The following SCAF8 variants were observed in gnomAD, a reference collection of about 807,000 sequenced individuals.
SCAF8 encodes SR-related CTD associated factor 8, also known as SR-related and CTD-associated factor 8.
In SCAF8, 23 loss-of-function variants were observed where a neutral mutation model predicts 140.5. The ratio of observed to expected loss-of-function variants is 0.16; its 90% CI spans 0.12 to 0.23. The LOEUF (loss-of-function observed/expected upper bound fraction) is 0.23, where lower values mean the gene tolerates loss of function less well. Among genes scored for constraint, SCAF8 ranks in the 10% least tolerant of loss-of-function variants. The pLI is 1.00. For missense variants in SCAF8, 1,397 were observed against 1,555.7 expected (o/e 0.90, Z 1.72); for synonymous variants, 575 against 528.9 (o/e 1.09, Z -1.20).
chr6:154,829,077 C>A lies in SCAF8; in HGVS notation c.2140+1837C>A, dbSNP rs546958779. On this transcript the variant is annotated intron_variant, in intron 18 of 19. Transcript: ENST00000367178. ...AAATATTTGTTTGTTACATGAGTAA[C>A]CTATATAACAAACACAAGTTTACCT... Among the ~76,000 whole-genome samples, 75 of 152,060 alleles carry A rather than the reference C, an allele frequency of 4.9e-4. No individual in the cohort carries two copies. The South Asian group carries it at 0.014, about 29-fold the overall frequency.
intron 1 of SCAF8, among the ~76,000 whole-genome samples, chr6:154,771,611 A>G (rs1012941598): frequency 5.9e-5 from 9 of 152,220 alleles, no homozygotes; most frequent in Non-Finnish European, 1.3e-4. Context: ...TTTTGAAAAG[A>G]TAGCTGTATT....
chr6:154,790,916 T>C (rs919191256), intron 4 of SCAF8, among the ~76,000 whole-genome samples: 1 of 152,224 alleles, frequency 6.6e-6, no homozygotes, highest in African/African-American at 2.4e-5. Flanking sequence ...AGAATAGTTA[T>C]GTGTTAAACA....
chr6:154,794,581 A>ACATGT (rs1237663224), intron 5 of SCAF8, among the ~76,000 whole-genome samples: 1 of 152,194 alleles, frequency 6.6e-6, no homozygotes, highest in Non-Finnish European at 1.5e-5. Flanking sequence ...TTTATAAGTT[A>ACATGT]ACCTTTATCA....
intron 1 of SCAF8, among the ~76,000 whole-genome samples, chr6:154,766,423 T>A (rs1436358403): frequency 1.3e-5 from 2 of 152,230 alleles, no homozygotes; most frequent in Non-Finnish European, 2.9e-5. Context: ...TAGGAGGGTT[T>A]GTGTCCTAAA....
At chr6:154,736,226 CTAA>C (rs564963891) in intron 1 of SCAF8, among the ~76,000 whole-genome samples, 228 of 146,990 alleles carry the variant, frequency 1.6e-3, no homozygotes, top group African/African-American at 5.5e-3. Flanking sequence ...GGGGGGGTTC[CTAA>C]TAATGTGGTC....
At chr6:154,779,429 G>A (rs747334793) in intron 3 of SCAF8, among the ~76,000 whole-genome samples, 3 of 152,190 alleles carry the variant, frequency 2.0e-5, no homozygotes, top group Non-Finnish European at 2.9e-5. Flanking sequence ...CTAATTCACC[G>A]AGTGTGGAGA....
chr6:154,817,870 A>C (rs898173327), intron 13 of SCAF8, among the ~76,000 whole-genome samples: 1 of 152,214 alleles, frequency 6.6e-6, no homozygotes, highest in Non-Finnish European at 1.5e-5. Flanking sequence ...TGCTTTATAA[A>C]TCAGTCTCAG....
chr6:154,820,133 A>T (rs767010776), intron 14 of SCAF8, 44 bp from the exon 15 acceptor site: 1 of 1,436,270 alleles, frequency 7.0e-7, no homozygotes, highest in Non-Finnish European at 9.3e-7. Context: ...TTTTTATAGT[A>T]TGTATGTATA....
intron 1 of SCAF8, among the ~76,000 whole-genome samples, chr6:154,771,016 A>T (rs951389267): frequency 6.6e-6 from 1 of 152,158 alleles, no homozygotes; most frequent in Non-Finnish European, 1.5e-5. Flanking sequence ...AAGTGCTGGG[A>T]TTACAGGTGT....
chr6:154,766,950 AC>A (rs1406355989), intron 1 of SCAF8, among the ~76,000 whole-genome samples: 1 of 151,666 alleles, frequency 6.6e-6, no homozygotes, highest in Admixed American at 6.6e-5. Flanking sequence ...GGTCCTTATG[AC>A]CCCCAGATCT....
rs1426456315 is a variant in SCAF8, at chr6:154,803,539, C to G, written c.784-5C>G. On this transcript the variant is annotated splice_polypyrimidine_tract_variant and splice_region_variant and intron_variant, in intron 7 of 19. Coordinates refer to ENST00000367178, the MANE Select transcript of SCAF8 (RefSeq NM_014892.5). ...AATATGTCTGTTTCTCCTTCTTTCC[C>G]CCAGAAGTTGATGGATAGGTTTGAT... 1 of 1,607,382 alleles carries G rather than the reference C, an allele frequency of 6.2e-7. No homozygotes were observed. Among genetic ancestry groups the G allele is most frequent in the Non-Finnish European group, 8.5e-7 (1 of 1,175,106 alleles).
In SCAF8 at chr6:154,794,897, C is replaced by T. The variant is rs543018418; in HGVS notation, c.476-112C>T. The T allele has an allele frequency of 3.4e-6, 3 of 872,600 alleles. No homozygotes were observed. In the African/African-American group the frequency reaches 5.5e-5, roughly 16 times the overall value. The allele number at this position is 872,600 out of a possible 1,614,324, so 54.1% of individuals were successfully genotyped here. On this transcript the variant is annotated intron_variant, in intron 5 of 19. Coordinates refer to ENST00000367178, the MANE Select transcript of SCAF8 (RefSeq NM_014892.5). ...CAAAGTGGACACAATAAAATAAAAA[C>T]AATATGCGTGCATGTGTTTTATAAA...
chr6:154,772,109 C>CTA (rs1435274009), intron 1 of SCAF8, among the ~76,000 whole-genome samples: 1 of 152,080 alleles, frequency 6.6e-6, no homozygotes, highest in Non-Finnish European at 1.5e-5. Context: ...GAATTGAATG[C>CTA]TATAAGTGGT....
chr6:154,825,500 CCT>C (rs1778539554), intron 17 of SCAF8, among the ~76,000 whole-genome samples: 1 of 150,964 alleles, frequency 6.6e-6, no homozygotes, highest in African/African-American at 2.4e-5. Flanking sequence ...AGAGTGACAC[CCT>C]GTCTGTACAA....
At chr6:154,784,784 C>A (rs148500896) in intron 3 of SCAF8, among the ~76,000 whole-genome samples, 1,637 of 152,256 alleles carry the variant, frequency 0.011, 111 homozygotes, top group Admixed American at 0.097. Context: ...AACGAATCCC[C>A]CAAGGCTACT....
At chr6:154,792,359 A>C (rs1380794276) in intron 4 of SCAF8, among the ~76,000 whole-genome samples, 1 of 152,220 alleles carries the variant, frequency 6.6e-6, no homozygotes, top group Non-Finnish European at 1.5e-5. Context: ...TTGTAAAATG[A>C]AAGTTTTAAA....
intron 10 of SCAF8, 94 bp from the exon 11 acceptor site, chr6:154,808,592 T>G (rs1456814411): frequency 6.3e-6 from 5 of 791,324 alleles, no homozygotes; most frequent in Non-Finnish European, 1.1e-5. Context: ...GCATTAATGC[T>G]CCCATCGTCA....
chr6:154,763,760 C>A (rs1185655056), intron 1 of SCAF8, among the ~76,000 whole-genome samples: 1 of 151,626 alleles, frequency 6.6e-6, no homozygotes, highest in Non-Finnish European at 1.5e-5. Flanking sequence ...AAAAAAAAAA[C>A]CCACATCTGT....
chr6:154,740,217 A>T (rs950816780), intron 1 of SCAF8, among the ~76,000 whole-genome samples: 1 of 152,160 alleles, frequency 6.6e-6, no homozygotes, highest in Non-Finnish European at 1.5e-5. Context: ...GTATCTTGGG[A>T]ACTATTGATA....
Sources: gnomAD v4.1 joint callset for allele counts (sites outside exome capture counted in the v4.1 genomes callset) on GRCh38, gnomAD v4.1.1 for gene constraint, MANE v1.5 for transcripts, NCBI Gene and HGNC (gene_info 2026-07-23, HGNC 2026-07-21) for gene names.